OTUD7A: variants seen among roughly 807,000 people sequenced by gnomAD.
The protein encoded by OTUD7A is OTU domain-containing protein 7A.
In OTUD7A, 12 loss-of-function variants were observed where a neutral mutation model predicts 65.7. That is an observed-to-expected ratio of 0.18 (90% CI 0.12 to 0.30). The LOEUF (loss-of-function observed/expected upper bound fraction) is 0.30. Among genes scored for constraint, OTUD7A ranks in the 10% least tolerant of loss-of-function variants. The pLI, the probability that OTUD7A is intolerant of heterozygous loss-of-function variation, is 1.00. For missense variants in OTUD7A, 1,148 were observed against 1,304.8 expected (o/e 0.88, Z 1.85); for synonymous variants, 641 against 586.3 (o/e 1.09, Z -1.35).
chr15:31,542,669 A>G (rs1181886329), intron 5 of OTUD7A, among the ~76,000 whole-genome samples: 1 of 151,958 alleles, frequency 6.6e-6, no homozygotes. Context: ...AATAAAATTA[A>G]TGTCTTCCTT....
intron 1 of OTUD7A, among the ~76,000 whole-genome samples, chr15:31,808,136 C>CAAAAAAAA (rs1555420129): frequency 2.9e-4 from 35 of 119,510 alleles, no homozygotes; most frequent in African/African-American, 7.8e-4. Context: ...CACACACACA[C>CAAAAAAAA]AAACAAATCC....
chr15:31,811,560 C>A (rs1019345273), intron 1 of OTUD7A, among the ~76,000 whole-genome samples: 1 of 151,944 alleles, frequency 6.6e-6, no homozygotes, highest in South Asian at 2.1e-4. Flanking sequence ...TGTGAGTGTG[C>A]GTTTATGGGC....
chr15:31,506,673 T>C (rs756176650), intron 8 of OTUD7A, among the ~76,000 whole-genome samples: 6 of 152,228 alleles, frequency 3.9e-5, no homozygotes, highest in Non-Finnish European at 4.4e-5. Context: ...CATGGATTGA[T>C]GGGCGAGCTT....
chr15:31,718,024 G>A (rs1893637649), intron 1 of OTUD7A, among the ~76,000 whole-genome samples: 1 of 152,104 alleles, frequency 6.6e-6, no homozygotes, highest in Admixed American at 6.5e-5. Context: ...CCCCAGTCTG[G>A]GTCTGCCCTG....
rs2041119578 is a variant in OTUD7A at position 31,481,552 on chromosome 15, T to G, written c.*1742A>C. 6.6e-6 allele frequency: 1 copy of G among 152,184 alleles called. No homozygotes were observed. The highest frequency in any genetic ancestry group is 2.1e-4 in the South Asian group (1 of 4,824). The allele number at this position is 152,184 out of a possible 1,614,324, so 9.4% of individuals were successfully genotyped here. On this transcript the variant is annotated 3_prime_UTR_variant, in exon 13 of 13. Transcript: ENST00000307050. ...TATTGTTCAGCAGGAAAAGTAAAAC[T>G]TTCAAAAAATTTCTTAAAGATCCTA...
At chr15:31,703,743 A>G (rs547206603) in intron 1 of OTUD7A, among the ~76,000 whole-genome samples, 1 of 151,000 alleles carries the variant, frequency 6.6e-6, no homozygotes, top group East Asian at 2.0e-4. Flanking sequence ...GAGTCTTAAC[A>G]TTCACCCAAA....
intron 8 of OTUD7A, among the ~76,000 whole-genome samples, chr15:31,507,301 A>G (rs73370564): frequency 0.01 from 1,566 of 152,252 alleles, 20 homozygotes; most frequent in African/African-American, 0.035. Flanking sequence ...GGTTATATTG[A>G]GAAGGTTGGG....
intron 1 of OTUD7A, chr15:31,765,966 T>C (rs1895083891): frequency 7.1e-7 from 1 of 1,415,428 alleles, no homozygotes; most frequent in African/African-American, 1.4e-5. Context: ...AATTGCAGCT[T>C]GAGAGGTAGA....
intron 4 of OTUD7A, among the ~76,000 whole-genome samples, chr15:31,560,309 A>G (rs1209562394): frequency 6.6e-6 from 1 of 152,218 alleles, no homozygotes. Flanking sequence ...CTGTCTGGAT[A>G]TTCTTTTGCC....
chr15:31,753,643 T>C (rs200301306), intron 1 of OTUD7A, among the ~76,000 whole-genome samples: 1 of 145,582 alleles, frequency 6.9e-6, no homozygotes, highest in East Asian at 2.1e-4. Context: ...TTCCTTTTTA[T>C]GACTGAGTAG....
At chr15:31,652,444 G>A (rs557423031) in intron 3 of OTUD7A, among the ~76,000 whole-genome samples, 34 of 152,158 alleles carry the variant, frequency 2.2e-4, no homozygotes, top group Non-Finnish European at 4.3e-4. Context: ...AAATTTCTCA[G>A]ATATGTCACT....
intron 3 of OTUD7A, among the ~76,000 whole-genome samples, chr15:31,619,675 A>G (rs1324102096): frequency 1.3e-5 from 2 of 151,992 alleles, no homozygotes; most frequent in South Asian, 2.1e-4. Flanking sequence ...GGGCTGAGAC[A>G]ATGGGGTTTT....
intron 3 of OTUD7A, among the ~76,000 whole-genome samples, chr15:31,619,415 G>A (rs993793667): frequency 2.2e-4 from 34 of 152,306 alleles, no homozygotes; most frequent in African/African-American, 7.9e-4. Context: ...AGCATGGAAT[G>A]TTCTTCCATT....
intron 1 of OTUD7A, among the ~76,000 whole-genome samples, chr15:31,717,700 T>C (rs548582626): frequency 3.3e-5 from 5 of 152,348 alleles, no homozygotes; most frequent in African/African-American, 1.2e-4. Flanking sequence ...GCAATAAACA[T>C]ACATGTGCAT....
In OTUD7A at chr15:31,605,210, A is replaced by G. The variant is rs1890204025; in HGVS notation, c.152-35013T>C. On this transcript the variant is annotated intron_variant, in intron 3 of 12. Coordinates refer to ENST00000307050, the MANE Select transcript of OTUD7A (RefSeq NM_001382637.1). ...TGGGTGTGCAGGGGGAATGGGTGGT[A>G]AATATGTTATGTGGCATGTGTGTGG... Among the ~76,000 whole-genome samples the G allele has an allele frequency of 2.0e-5, 3 of 151,928 alleles. 1 individual carries two copies. The East Asian group carries it at 5.8e-4, about 29-fold the overall frequency.
chr15:31,546,734 T>C (rs529213077), intron 5 of OTUD7A, among the ~76,000 whole-genome samples: 1 of 152,334 alleles, frequency 6.6e-6, no homozygotes, highest in African/African-American at 2.4e-5. Context: ...AATAACATAA[T>C]GGAGAAGTTA....
At chr15:31,630,191 C>T (rs535065746) in intron 3 of OTUD7A, among the ~76,000 whole-genome samples, 3,672 of 148,074 alleles carry the variant, frequency 0.025, 154 homozygotes, top group African/African-American at 0.088. Context: ...GTTAGGGTGT[C>T]GATTTTGGAT....
intron 1 of OTUD7A, among the ~76,000 whole-genome samples, chr15:31,798,812 G>T (rs925355140): frequency 6.6e-6 from 1 of 150,876 alleles, no homozygotes; most frequent in Non-Finnish European, 1.5e-5. Flanking sequence ...GGCTCAGCTT[G>T]GGGGGGGGCT....
rs2041261259 is a variant in OTUD7A at position 31,487,839 on chromosome 15, T to C, written c.1172-273A>G. ...GCAGATACTCCATTGGGCAGCAGAA[T>C]GGGAAAAAAGCTATTGCTGCCTCTG... On this transcript the variant is annotated intron_variant, in intron 10 of 12. Coordinates refer to ENST00000307050, the MANE Select transcript of OTUD7A (RefSeq NM_001382637.1). The surrounding 1 kb of genome is among the most constrained non-coding windows in gnomAD (Gnocchi z 6.0). Among the ~76,000 whole-genome samples the C allele has an allele frequency of 6.6e-6, 1 of 152,136 alleles. No homozygotes were observed. Among genetic ancestry groups the C allele is most frequent in the Non-Finnish European group, 1.5e-5 (1 of 68,006 alleles).
Sources: allele counts gnomAD v4.1 joint callset (sites outside exome capture counted in the v4.1 genomes callset), GRCh38; gene constraint gnomAD v4.1.1; non-coding constraint Gnocchi (gnomAD v3.1); transcripts MANE v1.5; gene names NCBI Gene and HGNC (gene_info 2026-07-23, HGNC 2026-07-21).